Variants in BANK1 observed in about 807,000 individuals in gnomAD.
The protein encoded by BANK1 is B-cell scaffold protein with ankyrin repeats.
Under a neutral mutation model 94.5 loss-of-function variants are expected in BANK1, and 95 were observed. The ratio of observed to expected loss-of-function variants is 1.00; its 90% CI spans 0.85 to 1.19. The LOEUF is 1.19. BANK1 is among the 50% of genes most tolerant of loss of function. BANK1 has a pLI of 0.00. For missense variants in BANK1, 987 were observed against 932.2 expected (o/e 1.06, Z -0.77); for synonymous variants, 334 against 308.4 (o/e 1.08, Z -0.87).
chr4:102,050,727 G>C (rs1416666074), intron 11 of BANK1, among the ~76,000 whole-genome samples: 3 of 151,872 alleles, frequency 2.0e-5, no homozygotes, highest in African/African-American at 7.3e-5. Context: ...TTTCTGTGTT[G>C]TTTTCTTATA....
intron 10 of BANK1, among the ~76,000 whole-genome samples, chr4:102,034,446 G>T (rs1366549866): frequency 6.6e-6 from 1 of 152,154 alleles, no homozygotes; most frequent in Admixed American, 6.5e-5. Context: ...ATCTCTAAAT[G>T]AGATAAAATT....
chr4:101,977,371 A>C (rs1725172740), intron 7 of BANK1, among the ~76,000 whole-genome samples: 1 of 152,190 alleles, frequency 6.6e-6, no homozygotes, highest in Admixed American at 6.6e-5. Context: ...GTCCAACTTT[A>C]TGATGTGCCC....
chr4:102,003,757 G>A (rs1369126467), intron 7 of BANK1, among the ~76,000 whole-genome samples: 1 of 151,794 alleles, frequency 6.6e-6, no homozygotes, highest in East Asian at 1.9e-4. Flanking sequence ...TAGAGGGCAT[G>A]GGAAATATAC....
At chr4:102,027,782 T>C (rs990678639) in intron 9 of BANK1, among the ~76,000 whole-genome samples, 27 of 152,294 alleles carry the variant, frequency 1.8e-4, no homozygotes, top group African/African-American at 6.3e-4. Context: ...TAGAGCACTT[T>C]ACAGTTTATA....
At chr4:101,965,999 A>G (rs1321471568) in intron 7 of BANK1, among the ~76,000 whole-genome samples, 1 of 152,120 alleles carries the variant, frequency 6.6e-6, no homozygotes, top group Non-Finnish European at 1.5e-5. Context: ...TGAAGTTATC[A>G]ACATAAAATG....
At chr4:101,966,644 A>G (rs1317153675) in intron 7 of BANK1, among the ~76,000 whole-genome samples, 1 of 152,066 alleles carries the variant, frequency 6.6e-6, no homozygotes, top group African/African-American at 2.4e-5. Flanking sequence ...ATCGTTGACT[A>G]TTGCTGCTCT....
intron 7 of BANK1, among the ~76,000 whole-genome samples, chr4:102,007,727 A>G (rs1309978546): frequency 6.6e-6 from 1 of 152,178 alleles, no homozygotes; most frequent in African/African-American, 2.4e-5. Context: ...AGACAGTGAA[A>G]TAAAGAATTT....
intron 3 of BANK1, among the ~76,000 whole-genome samples, chr4:101,860,555 T>C (rs1311154431): frequency 2.0e-5 from 3 of 152,082 alleles, no homozygotes; most frequent in Non-Finnish European, 2.9e-5. Context: ...CTCAGCCTCC[T>C]GAGGAGCTGG....
At chr4:101,982,317 A>G (rs1560665119) in intron 7 of BANK1, among the ~76,000 whole-genome samples, 1 of 151,860 alleles carries the variant, frequency 6.6e-6, no homozygotes, top group African/African-American at 2.4e-5. Context: ...AACAACCCAT[A>G]TAAATTGGCA....
chr4:101,845,290 A>G (rs1727202101), intron 2 of BANK1, among the ~76,000 whole-genome samples: 3 of 152,184 alleles, frequency 2.0e-5, no homozygotes, highest in African/African-American at 4.8e-5. Flanking sequence ...CAATTTATTT[A>G]TGTACATATA....
intron 11 of BANK1, among the ~76,000 whole-genome samples, chr4:102,045,420 A>T (rs1727847559): frequency 6.6e-6 from 1 of 152,126 alleles, no homozygotes; most frequent in South Asian, 2.1e-4. Context: ...TATTCAACAT[A>T]GTGTTGGAAG....
chr4:101,829,205 C>T (rs1726507453), intron 1 of BANK1, among the ~76,000 whole-genome samples: 1 of 152,102 alleles, frequency 6.6e-6, no homozygotes, highest in African/African-American at 2.4e-5. Context: ...CTGATTGTTT[C>T]ACATTGATCC....
chr4:102,072,403 A>G lies in BANK1; in HGVS notation c.2298+3A>G. 1 of 1,581,708 alleles carries G rather than the reference A, an allele frequency of 6.3e-7. No individual in the cohort carries two copies. Among genetic ancestry groups the G allele is most frequent in the Non-Finnish European group, 8.7e-7 (1 of 1,153,938 alleles). ...ATAATGTACACTTCAGCAATAAGGT[A>G]GGTTGTATTTATTTTGATTTCTATA... On this transcript the variant is annotated splice_donor_region_variant and intron_variant, in intron 15 of 16. Transcript: ENST00000322953.
chr4:101,851,526 G>T (rs1047378818), intron 2 of BANK1, among the ~76,000 whole-genome samples: 2 of 152,160 alleles, frequency 1.3e-5, no homozygotes, highest in African/African-American at 4.8e-5. Context: ...AGTGAATTTG[G>T]GTGGGAGATA....
intron 11 of BANK1, among the ~76,000 whole-genome samples, chr4:102,057,196 C>CTT (rs1276149069): frequency 6.6e-6 from 1 of 151,900 alleles, no homozygotes; most frequent in African/African-American, 2.4e-5. Flanking sequence ...ATAACTTAAG[C>CTT]TTTAAATCTT....
intron 9 of BANK1, among the ~76,000 whole-genome samples, chr4:102,028,360 G>A (rs1727172803): frequency 6.6e-6 from 1 of 152,204 alleles, no homozygotes. Flanking sequence ...TGAATTGAAA[G>A]TTAGTGCTAG....
At chr4:102,063,400 A>T (rs988283457) in intron 13 of BANK1, among the ~76,000 whole-genome samples, 4 of 151,932 alleles carry the variant, frequency 2.6e-5, no homozygotes, top group South Asian at 2.1e-4. Context: ...GAAAGTTCAT[A>T]ATGAACCAGA....
chr4:101,885,903 A>G, intron 5 of BANK1, among the ~76,000 whole-genome samples: 1 of 152,254 alleles, frequency 6.6e-6, no homozygotes, highest in East Asian at 1.9e-4. Context: ...CGTGTATAGA[A>G]CATTAATGTA....
Position 102,066,128 on chromosome 4 carries a change from G to A in BANK1, c.2212+2990G>A, listed in dbSNP as rs1303610871. The stretch of plus-strand genomic sequence containing the variant: ...GGACTTCTAGGCAATTTATTTTCAA[G>A]CTACTTTAAGCCAAGGTAAAAAGAA... On this transcript the variant is annotated intron_variant, in intron 13 of 16. Coordinates refer to ENST00000322953, the MANE Select transcript of BANK1 (RefSeq NM_017935.5). Among the ~76,000 whole-genome samples the A allele has an allele frequency of 2.6e-5, 4 of 151,748 alleles. No individual in the cohort carries two copies. In the South Asian group the frequency reaches 6.2e-4, roughly 24 times the overall value.
Sources: gnomAD v4.1 joint callset for allele counts (sites outside exome capture counted in the v4.1 genomes callset) on GRCh38, gnomAD v4.1.1 for gene constraint, MANE v1.5 for transcripts, NCBI Gene and HGNC (gene_info 2026-07-23, HGNC 2026-07-21) for gene names.